CACNA2D1: variants seen among roughly 807,000 people sequenced by gnomAD.
The protein encoded by CACNA2D1 is voltage-dependent calcium channel subunit alpha-2/delta-1.
A neutral mutation model predicts 171.5 loss-of-function variants in CACNA2D1; 53 were observed. The observed-to-expected ratio is 0.31, with a 90% confidence interval of 0.25 to 0.39. The LOEUF (loss-of-function observed/expected upper bound fraction) is 0.39. CACNA2D1 is among the 10% of genes least tolerant of loss of function. CACNA2D1 has a pLI of 1.00. For synonymous variants in CACNA2D1, 442 were observed against 443.1 expected, an observed-to-expected ratio of 1.00 and a Z score of 0.03; for missense variants, 903 against 1,299.8, an observed-to-expected ratio of 0.69 and a Z score of 4.69.
In CACNA2D1 at chr7:82,018,854, C is replaced by T. The variant is rs1047753226; in HGVS notation, c.1144-4375G>A. 2.0e-5 allele frequency among the ~76,000 whole-genome samples: 3 copies of T among 151,874 alleles called. No individual in the cohort carries two copies. In the East Asian group the frequency reaches 5.9e-4, roughly 30 times the overall value. On this transcript the variant is annotated intron_variant, in intron 12 of 38. Transcript: ENST00000356860. ...CAAAAATTAGCTGAGCATGGTGGCT[C>T]ACGCCTGTAATCCCAGCTACCCTAG... is the stretch of plus-strand genomic sequence containing the variant.
intron 4 of CACNA2D1, among the ~76,000 whole-genome samples, chr7:82,149,489 C>A (rs1793538221): frequency 6.6e-6 from 1 of 152,014 alleles, no homozygotes; most frequent in Admixed American, 6.5e-5. Context: ...TATAGAATTT[C>A]ACTCAAAACG....
At chr7:82,213,500 C>T (rs1800774077) in intron 3 of CACNA2D1, among the ~76,000 whole-genome samples, 1 of 152,076 alleles carries the variant, frequency 6.6e-6, no homozygotes, top group African/African-American at 2.4e-5. Flanking sequence ...TTTCTTGCTA[C>T]AAAACACCCA....
intron 4 of CACNA2D1, among the ~76,000 whole-genome samples, chr7:82,164,884 T>A (rs571844166): frequency 6.0e-4 from 92 of 152,112 alleles, no homozygotes; most frequent in Non-Finnish European, 9.9e-4. Flanking sequence ...AAATAAGCAG[T>A]ATACAACAAT....
At chr7:82,397,288 T>G (rs2129451329) in intron 1 of CACNA2D1, among the ~76,000 whole-genome samples, 1 of 152,306 alleles carries the variant, frequency 6.6e-6, no homozygotes, top group Non-Finnish European at 1.5e-5. Context: ...GTATTTGTAC[T>G]TAAAATAAAA....
At chr7:82,419,759 G>C (rs1163478426) in intron 1 of CACNA2D1, among the ~76,000 whole-genome samples, 1 of 152,176 alleles carries the variant, frequency 6.6e-6, no homozygotes, top group African/African-American at 2.4e-5. Context: ...GAATCAGCCA[G>C]AATTGGACAC....
intron 21 of CACNA2D1, among the ~76,000 whole-genome samples, chr7:81,985,726 G>A (rs1796897894): frequency 6.6e-6 from 1 of 152,042 alleles, no homozygotes; most frequent in East Asian, 1.9e-4. Flanking sequence ...CACATTATTT[G>A]GAAGATTGTT....
intron 3 of CACNA2D1, among the ~76,000 whole-genome samples, chr7:82,286,069 T>C (rs1204994246): frequency 6.6e-6 from 1 of 152,158 alleles, no homozygotes; most frequent in African/African-American, 2.4e-5. Context: ...CGCCCCCTTG[T>C]AATACACCAC....
intron 3 of CACNA2D1, among the ~76,000 whole-genome samples, chr7:82,223,449 C>T (rs1415513412): frequency 2.0e-5 from 3 of 152,218 alleles, no homozygotes; most frequent in Middle Eastern, 3.4e-3. Context: ...CCTAGCAAAG[C>T]GATTGACATA....
At chr7:82,227,407 G>A (rs1802475157) in intron 3 of CACNA2D1, among the ~76,000 whole-genome samples, 1 of 152,118 alleles carries the variant, frequency 6.6e-6, no homozygotes, top group African/African-American at 2.4e-5. Context: ...TTTTGGGCAA[G>A]GCTCTACACT....
Position 82,195,432 on chromosome 7 carries a change from T to C in CACNA2D1, c.295-24823A>G, listed in dbSNP as rs145992508. The stretch of plus-strand genomic sequence containing the variant: ...CCAAAGTATATTGATACAGCACAGA[T>C]TGGAGATTGGAGGGATAGTGGTGAA... On this transcript the variant is annotated intron_variant, in intron 3 of 38. Transcript: ENST00000356860. Among the ~76,000 whole-genome samples the C allele has an allele frequency of 3.0e-4, 45 of 152,042 alleles. 1 individual carries two copies. The East Asian group carries it at 4.8e-3, about 16-fold the overall frequency.
intron 4 of CACNA2D1, among the ~76,000 whole-genome samples, chr7:82,144,714 G>A (rs1792784369): frequency 6.6e-6 from 1 of 151,906 alleles, no homozygotes; most frequent in Non-Finnish European, 1.5e-5. Context: ...TTTATAAGTG[G>A]TATATCAGTA....
At chr7:82,413,068 C>T (rs968670219) in intron 1 of CACNA2D1, among the ~76,000 whole-genome samples, 3 of 151,674 alleles carry the variant, frequency 2.0e-5, no homozygotes, top group Non-Finnish European at 4.4e-5. Context: ...TGAATTAGTC[C>T]CATATCTATA....
intron 20 of CACNA2D1, among the ~76,000 whole-genome samples, 163 bp from the exon 21 acceptor site, chr7:81,991,409 T>A (rs1332187236): frequency 6.6e-6 from 1 of 152,226 alleles, no homozygotes; most frequent in Non-Finnish European, 1.5e-5. Context: ...TCTGGGTGTG[T>A]CTAGCAAAAT....
intron 6 of CACNA2D1, among the ~76,000 whole-genome samples, chr7:82,092,909 T>C (rs1439212145): frequency 6.6e-6 from 1 of 151,808 alleles, no homozygotes; most frequent in African/African-American, 2.4e-5. Flanking sequence ...CATCAGAAAC[T>C]CTGAGAGCAG....
intron 20 of CACNA2D1, among the ~76,000 whole-genome samples, chr7:81,993,586 G>T (rs968478716): frequency 2.0e-5 from 3 of 152,034 alleles, no homozygotes; most frequent in African/African-American, 7.2e-5. Flanking sequence ...AGAATAATAC[G>T]TATGCACAGT....
At chr7:82,048,742 TCTC>T (rs1804840411) in intron 10 of CACNA2D1, among the ~76,000 whole-genome samples, 1 of 152,062 alleles carries the variant, frequency 6.6e-6, no homozygotes, top group Non-Finnish European at 1.5e-5. Flanking sequence ...TCTGAACAAT[TCTC>T]CTACATCTAT....
chr7:82,217,002 A>T (rs74350826), intron 3 of CACNA2D1, among the ~76,000 whole-genome samples: 12,739 of 151,812 alleles, frequency 0.084, 711 homozygotes, highest in Non-Finnish European at 0.11. Context: ...TTTATGTCAA[A>T]CCAGTGGAGA....
chr7:82,127,536 T>C (rs1790464514), intron 5 of CACNA2D1, among the ~76,000 whole-genome samples: 1 of 152,120 alleles, frequency 6.6e-6, no homozygotes, highest in Admixed American at 6.5e-5. Flanking sequence ...TCACTAAAAC[T>C]TTAGTAGAGA....
intron 3 of CACNA2D1, among the ~76,000 whole-genome samples, chr7:82,186,336 G>A (rs1405761451): frequency 6.6e-6 from 1 of 152,066 alleles, no homozygotes; most frequent in African/African-American, 2.4e-5. Flanking sequence ...TTAATTCTGA[G>A]TGAAACCTCT....
Sources: gnomAD v4.1 joint callset for allele counts (sites outside exome capture counted in the v4.1 genomes callset) on GRCh38, gnomAD v4.1.1 for gene constraint, MANE v1.5 for transcripts, NCBI Gene and HGNC (gene_info 2026-07-23, HGNC 2026-07-21) for gene names.